Variants in TMEM9 observed in about 807,000 individuals in gnomAD.
TMEM9 encodes transmembrane protein 9, also known as proton-transporting V-type ATPase complex assembly regulator TMEM9.
A neutral mutation model predicts 22.8 loss-of-function variants in TMEM9; 13 were observed. The ratio of observed to expected loss-of-function variants is 0.57; its 90% CI spans 0.37 to 0.91. TMEM9 has a LOEUF of 0.91. Among genes scored for constraint, TMEM9 ranks in the 40% least tolerant of loss-of-function variants. The pLI is 0.01. For synonymous variants in TMEM9, 88 were observed against 93.0 expected (o/e 0.95, Z 0.31); for missense variants, 182 against 238.1 (o/e 0.76, Z 1.55).
chr1:201,146,040 G>C (rs1422668989), intron 3 of TMEM9, among the ~76,000 whole-genome samples: 1 of 152,222 alleles, frequency 6.6e-6, no homozygotes, highest in Non-Finnish European at 1.5e-5. Context: ...AGGATTGTTA[G>C]AACCTGGACT....
chr1:201,144,261 C>A, intron 3 of TMEM9: 3 of 282,766 alleles, frequency 1.1e-5, no homozygotes, highest in South Asian at 5.1e-5. Flanking sequence ...GAGATGGGAA[C>A]ACAAGGGCCT....
rs1665632699 is a variant in TMEM9 at position 201,153,864 on chromosome 1, G to C, written c.60C>G (p.Ala20=). The C allele has an allele frequency of 6.2e-7, 1 of 1,614,152 alleles. No homozygotes were observed. The highest frequency in any genetic ancestry group is 1.3e-5 in the African/African-American group (1 of 75,054). ...GCAGGCTCACCTCCCTCACCTTGTT[G>C]GCTTCAGCTGGGGGCACCAGCAAAC... is the stretch of plus-strand genomic sequence containing the variant. ...VGCLLVPPAE[A]NKSSEDIRCK... Residue 20 remains alanine, a synonymous_variant, in exon 1 of 5, where the codon GCC becomes GCG. Transcript: ENST00000367330.
chr1:201,146,959 G>T lies in TMEM9; in HGVS notation c.159-111C>A, dbSNP rs937279433. ...TGAGAGGTAGGGGCTAGGCAAAGGT[G>T]AAGGGTGCTCCCAGAGAGGGCCAAG... On this transcript the variant is annotated intron_variant, in intron 2 of 4. Transcript: ENST00000367330. 4 of 930,504 alleles carry T rather than the reference G, an allele frequency of 4.3e-6. No homozygotes were observed. The Admixed American group carries it at 8.4e-5, about 19-fold the overall frequency. 57.6% of individuals were successfully genotyped at this position (930,504 alleles called of 1,614,324 possible).
intron 4 of TMEM9, among the ~76,000 whole-genome samples, chr1:201,143,389 A>G (rs1318705143): frequency 6.6e-6 from 1 of 152,176 alleles, no homozygotes; most frequent in Non-Finnish European, 1.5e-5. Flanking sequence ...CAGACCCTGG[A>G]GCTCTGGTTT....
intron 1 of TMEM9, among the ~76,000 whole-genome samples, chr1:201,152,302 G>A (rs1665496227): frequency 6.6e-6 from 1 of 152,154 alleles, no homozygotes; most frequent in East Asian, 1.9e-4. Flanking sequence ...AAACATAAAG[G>A]GCGAGGGTGA....
upstream of TMEM9, among the ~76,000 whole-genome samples, chr1:201,156,858 C>A (rs1665810588): frequency 6.6e-6 from 1 of 152,216 alleles, no homozygotes; most frequent in African/African-American, 2.4e-5. Flanking sequence ...AGGGATACAA[C>A]AGACAAATCA....
chr1:201,143,966 G>A lies in TMEM9; in HGVS notation c.268-15C>T, dbSNP rs376062306. 2.3e-5 allele frequency: 37 copies of A among 1,613,604 alleles called. No homozygotes were observed. The highest frequency in any genetic ancestry group is 5.3e-5 in the African/African-American group (4 of 74,902). Reference sequence around the variant, plus strand: ...ACAATGATGACCTGAGGAAGAGACCGGCGTGCCTATGAACCATTATCTGAG... The same window carrying A: ...ACAATGATGACCTGAGGAAGAGACCAGCGTGCCTATGAACCATTATCTGAG... On this transcript the variant is annotated splice_polypyrimidine_tract_variant and intron_variant, in intron 3 of 4. Transcript: ENST00000367330.
At position 201,146,638 on chromosome 1, in the gene TMEM9, G is replaced by A. The variant is rs147488558; in HGVS notation, c.267+102C>T. On this transcript the variant is annotated intron_variant, in intron 3 of 4. Transcript: ENST00000367330. The stretch of plus-strand genomic sequence containing the variant: ...CCTAGAAGCCAGTCTCATAGCCATT[G>A]GGACATTCCAGAATAAAGTGAAAAA... The A allele has an allele frequency of 8.4e-4, 1,042 of 1,244,894 alleles. 13 individuals are homozygous for A. In the African/African-American group the frequency reaches 0.013, roughly 16 times the overall value. The allele number at this position is 1,244,894 out of a possible 1,614,324, so 77.1% of individuals were successfully genotyped here.
At chr1:201,168,015 T>C (rs1666119044) in intron 1 of TMEM9, among the ~76,000 whole-genome samples, 1 of 152,240 alleles carries the variant, frequency 6.6e-6, no homozygotes, top group Non-Finnish European at 1.5e-5. Flanking sequence ...AATCATACAG[T>C]AACTACTCTT....
intron 4 of TMEM9, among the ~76,000 whole-genome samples, chr1:201,142,965 G>A (rs1338222431): frequency 5.9e-5 from 9 of 152,226 alleles, no homozygotes; most frequent in African/African-American, 1.9e-4. Context: ...TCACTCCCAC[G>A]AAGAGCCCTT....
chr1:201,144,694 T>G (rs1664817631), intron 3 of TMEM9: 1 of 152,230 alleles, frequency 6.6e-6, no homozygotes, highest in Non-Finnish European at 1.5e-5. Context: ...GGTGGGACAT[T>G]TAGCATCCAT....
intron 1 of TMEM9, among the ~76,000 whole-genome samples, chr1:201,168,999 C>T (rs115110563): frequency 0.04 from 5,821 of 143,992 alleles, 148 homozygotes; most frequent in Non-Finnish European, 0.06. Flanking sequence ...GATGGGGTCT[C>T]ACTACGTTGC....
chr1:201,150,204 T>C (rs1665311376), intron 2 of TMEM9, among the ~76,000 whole-genome samples: 2 of 152,120 alleles, frequency 1.3e-5, no homozygotes, highest in South Asian at 2.1e-4. Flanking sequence ...CCCATCTAAG[T>C]TTTTACTGAT....
chr1:201,146,372 C>G (rs1664963941), intron 3 of TMEM9, among the ~76,000 whole-genome samples: 1 of 152,214 alleles, frequency 6.6e-6, no homozygotes, highest in Non-Finnish European at 1.5e-5. Context: ...GGCAGCCCAA[C>G]CTCCCCATTG....
chr1:201,138,869 C>T (rs912434344), intron 4 of TMEM9, among the ~76,000 whole-genome samples: 1 of 152,218 alleles, frequency 6.6e-6, no homozygotes, highest in African/African-American at 2.4e-5. Context: ...TCCTAGGACC[C>T]AGCTGGATCC....
At chr1:201,138,198 T>A (rs1249819002) in intron 4 of TMEM9, among the ~76,000 whole-genome samples, 1 of 152,108 alleles carries the variant, frequency 6.6e-6, no homozygotes, top group Non-Finnish European at 1.5e-5. Flanking sequence ...GCTCTGTATC[T>A]CAGGGGAGCG....
intron 1 of TMEM9, among the ~76,000 whole-genome samples, chr1:201,162,883 A>C (rs1011325045): frequency 2.6e-5 from 4 of 152,156 alleles, no homozygotes; most frequent in African/African-American, 9.7e-5. Context: ...AAAAAAAAAT[A>C]CAATTAGAAA....
chr1:201,149,912 CA>C (rs1665287880), intron 2 of TMEM9, among the ~76,000 whole-genome samples: 1 of 152,324 alleles, frequency 6.6e-6, no homozygotes, highest in South Asian at 2.1e-4. Flanking sequence ...GTCTTTCCTC[CA>C]GCCTCAGTTT....
chr1:201,164,852 G>T (rs962658531), intron 1 of TMEM9, among the ~76,000 whole-genome samples: 1 of 151,922 alleles, frequency 6.6e-6, no homozygotes, highest in Non-Finnish European at 1.5e-5. Context: ...CATGTGGCCA[G>T]TCTCAGGGAA....
Sources: allele counts gnomAD v4.1 joint callset (sites outside exome capture counted in the v4.1 genomes callset), GRCh38; gene constraint gnomAD v4.1.1; transcripts MANE v1.5; gene names NCBI Gene and HGNC (gene_info 2026-07-23, HGNC 2026-07-21).